The following DSCAML1 variants were observed in gnomAD, a reference collection of about 807,000 sequenced individuals.
The protein encoded by DSCAML1 is DS cell adhesion molecule like 1.
DSCAML1 carries 38 observed loss-of-function variants against 200.5 expected under a neutral mutation model. The observed-to-expected ratio is 0.19, with a 90% confidence interval of 0.15 to 0.25. The LOEUF is 0.25. Among genes scored for constraint, DSCAML1 ranks in the 10% least tolerant of loss-of-function variants. The pLI is 1.00. For missense variants in DSCAML1, 2,223 were observed against 2,858.8 expected (o/e 0.78, Z 5.07); for synonymous variants, 1,215 against 1,165.0 (o/e 1.04, Z -0.87).
chr11:117,695,896 G>T (rs1781015114), intron 3 of DSCAML1, among the ~76,000 whole-genome samples: 1 of 152,178 alleles, frequency 6.6e-6, no homozygotes, highest in African/African-American at 2.4e-5. Flanking sequence ...CTTGTAGGTT[G>T]TTGTTAGGAT....
intron 3 of DSCAML1, among the ~76,000 whole-genome samples, chr11:117,591,785 G>A (rs184983316): frequency 1.4e-4 from 22 of 152,236 alleles, no homozygotes; most frequent in Admixed American, 9.2e-4. Context: ...AACGAGGGAG[G>A]AGCACTTGCC....
chr11:117,497,210 C>T (rs2049306141), intron 11 of DSCAML1, among the ~76,000 whole-genome samples: 1 of 152,172 alleles, frequency 6.6e-6, no homozygotes, highest in African/African-American at 2.4e-5. Context: ...GAGGAGCAAA[C>T]TGAGTCCCTG....
chr11:117,731,507 C>T lies in DSCAML1; in HGVS notation c.511+45284G>A, dbSNP rs1462025497. 2.6e-5 allele frequency among the ~76,000 whole-genome samples: 4 copies of T among 152,176 alleles called. No homozygotes were observed. In the East Asian group the frequency reaches 5.8e-4, roughly 22 times the overall value. On this transcript the variant is annotated intron_variant, in intron 3 of 32. Coordinates refer to ENST00000651296, the MANE Select transcript of DSCAML1 (RefSeq NM_020693.4). ...CACCTGCCAGCCATAGATCACACTG[C>T]CTCTTTTCCCTGTAAACTCCCTTGG...
chr11:117,513,038 C>T (rs1318219448), intron 8 of DSCAML1, among the ~76,000 whole-genome samples: 4 of 152,172 alleles, frequency 2.6e-5, no homozygotes, highest in South Asian at 2.1e-4. Context: ...CCAACAAACC[C>T]GACCAAATGC....
intron 30 of DSCAML1, 44 bp from the exon 31 acceptor site, chr11:117,431,772 AC>A: frequency 3.3e-6 from 5 of 1,494,030 alleles, no homozygotes; most frequent in Non-Finnish European, 4.5e-6. Context: ...AACCAAAGGC[AC>A]CCAGGCTTGG....
intron 1 of DSCAML1, among the ~76,000 whole-genome samples, chr11:117,812,890 T>C (rs928514675): frequency 6.6e-6 from 1 of 151,836 alleles, no homozygotes; most frequent in African/African-American, 2.4e-5. Flanking sequence ...CTTACTGTTT[T>C]AGCCTAGCCC....
intron 8 of DSCAML1, among the ~76,000 whole-genome samples, chr11:117,508,530 C>T (rs2049553286): frequency 6.6e-6 from 1 of 151,158 alleles, no homozygotes; most frequent in South Asian, 2.1e-4. Context: ...AGGATGGGGG[C>T]TCAGCTAGAA....
rs512443 is a variant in DSCAML1, at chr11:117,469,177, C to T, written c.3024+733G>A. ...GGAAGGGGATAAAAGTGCCTTCTCTCGCTGCTCCCCAGGAATGAGGAGAGG... is the reference window on the plus strand; with the variant it reads ...GGAAGGGGATAAAAGTGCCTTCTCTTGCTGCTCCCCAGGAATGAGGAGAGG... On this transcript the variant is annotated intron_variant, in intron 16 of 32. Transcript: ENST00000651296. The surrounding 1 kb of genome is among the most constrained non-coding windows in gnomAD (Gnocchi z 4.1). 0.13 allele frequency among the ~76,000 whole-genome samples: 19,865 copies of T among 152,120 alleles called. 1,847 individuals carry two copies. Among genetic ancestry groups the T allele is most frequent in the African/African-American group, 0.26 (10,796 of 41,460 alleles).
intron 3 of DSCAML1, among the ~76,000 whole-genome samples, chr11:117,658,582 T>TGGATCCATG (rs2052779199): frequency 2.6e-5 from 4 of 152,176 alleles, no homozygotes; most frequent in Admixed American, 2.6e-4. Flanking sequence ...CCACAGTATG[T>TGGATCCATG]GGATCCATGG....
At chr11:117,657,458 G>C (rs1462191899) in intron 3 of DSCAML1, among the ~76,000 whole-genome samples, 1 of 152,176 alleles carries the variant, frequency 6.6e-6, no homozygotes, top group East Asian at 1.9e-4. Context: ...GAAAAAGCGT[G>C]TCTCTCCTGC....
intron 3 of DSCAML1, among the ~76,000 whole-genome samples, chr11:117,660,161 G>T (rs2052816580): frequency 6.6e-6 from 1 of 152,098 alleles, no homozygotes; most frequent in African/African-American, 2.4e-5. Flanking sequence ...CATAAGCAGG[G>T]GCTCCTGCTT....
At position 117,476,402 on chromosome 11, in the gene DSCAML1, C is replaced by A. The variant is rs146925772; in HGVS notation, c.2785+4041G>T. ...ACCTTTGAGACCCCCATGACAATCT[C>A]TTCACAGCACGGAGAAGAGGCCTCC... On this transcript the variant is annotated intron_variant, in intron 14 of 32. Coordinates refer to ENST00000651296, the MANE Select transcript of DSCAML1 (RefSeq NM_020693.4). 2.8e-3 allele frequency among the ~76,000 whole-genome samples: 419 copies of A among 152,332 alleles called. 5 individuals carry two copies. The highest frequency in any genetic ancestry group is 9.5e-3 in the African/African-American group (395 of 41,570).
At chr11:117,440,435 G>A (rs2048019902) in intron 21 of DSCAML1, among the ~76,000 whole-genome samples, 2 of 152,152 alleles carry the variant, frequency 1.3e-5, no homozygotes, top group South Asian at 4.1e-4. Context: ...GTCAAGAAGA[G>A]GGAATAGCAC....
rs536552555 is a variant in DSCAML1 at position 117,705,648 on chromosome 11, C to G, written c.511+71143G>C. Among the ~76,000 whole-genome samples the G allele has an allele frequency of 2.6e-5, 4 of 152,320 alleles. No individual in the cohort carries two copies. In the South Asian group the frequency reaches 8.3e-4, roughly 32 times the overall value. ...CTGTCACCTCACCCATGTGTCCTGT[C>G]TAACGTCTTGCCTCTAAGCAGAGCT... On this transcript the variant is annotated intron_variant, in intron 3 of 32. Coordinates refer to ENST00000651296, the MANE Select transcript of DSCAML1 (RefSeq NM_020693.4).
At chr11:117,450,933 T>C (rs755911520) in intron 19 of DSCAML1, among the ~76,000 whole-genome samples, 20 of 152,182 alleles carry the variant, frequency 1.3e-4, no homozygotes, top group Non-Finnish European at 2.8e-4. Flanking sequence ...GCTTCAGAAC[T>C]GTTTGGCCAG....
intron 3 of DSCAML1, among the ~76,000 whole-genome samples, chr11:117,670,109 A>G (rs2053072839): frequency 6.6e-6 from 1 of 152,224 alleles, no homozygotes; most frequent in African/African-American, 2.4e-5. Flanking sequence ...CCTAATTTTA[A>G]GTACACTGTG....
At chr11:117,656,532 TATCTATCTATCTATCC>T (rs1456280869) in intron 3 of DSCAML1, among the ~76,000 whole-genome samples, 7 of 150,890 alleles carry the variant, frequency 4.6e-5, no homozygotes, top group Admixed American at 2.0e-4. Context: ...TCTATCTATC[TATCTATCTATCTATCC>T]ATCCATCCAC....
chr11:117,775,879 A>G (rs1311828911), intron 3 of DSCAML1, among the ~76,000 whole-genome samples: 1 of 152,172 alleles, frequency 6.6e-6, no homozygotes, highest in African/African-American at 2.4e-5. Flanking sequence ...AACAAGAATC[A>G]TTTCAAACAA....
chr11:117,571,624 T>C (rs2050848610), intron 3 of DSCAML1, among the ~76,000 whole-genome samples: 1 of 151,676 alleles, frequency 6.6e-6, no homozygotes. Flanking sequence ...CAAGGAAGAG[T>C]GGATGCAGAT....
Sources: allele counts gnomAD v4.1 joint callset (sites outside exome capture counted in the v4.1 genomes callset), GRCh38; gene constraint gnomAD v4.1.1; non-coding constraint Gnocchi (gnomAD v3.1); transcripts MANE v1.5; gene names NCBI Gene and HGNC (gene_info 2026-07-23, HGNC 2026-07-21).